TSPAN8: variants seen among roughly 807,000 people sequenced by gnomAD.
TSPAN8 encodes the protein tetraspanin 8, also known as tetraspanin-8.
TSPAN8 carries 21 observed loss-of-function variants against 32.8 expected under a neutral mutation model. That is an observed-to-expected ratio of 0.64 (90% CI 0.45 to 0.92). TSPAN8 has a LOEUF of 0.92. Ranked by LOEUF, TSPAN8 falls within the 40% of genes least tolerant of loss-of-function variation. TSPAN8 has a pLI of 0.00. For missense variants in TSPAN8, 269 were observed against 281.9 expected, an observed-to-expected ratio of 0.95 and a Z score of 0.33; for synonymous variants, 95 against 94.6, an observed-to-expected ratio of 1.00 and a Z score of -0.03.
intron 7 of TSPAN8, among the ~76,000 whole-genome samples, chr12:71,132,120 A>G (rs550458337): frequency 2.3e-4 from 35 of 152,320 alleles, no homozygotes; most frequent in African/African-American, 7.5e-4. Flanking sequence ...AGATTAACCT[A>G]TCTTTTTCAA....
intron 4 of TSPAN8, 111 bp from the exon 5 acceptor site, chr12:71,138,341 G>T: frequency 9.6e-7 from 1 of 1,039,668 alleles, no homozygotes; most frequent in Non-Finnish European, 1.4e-6. Flanking sequence ...CAGTGAGAGT[G>T]TCAGTCACAC....
intron 8 of TSPAN8, 132 bp from the exon 9 acceptor site, chr12:71,125,519 C>G (rs1871324457): frequency 1.4e-6 from 1 of 705,848 alleles, no homozygotes; most frequent in South Asian, 2.3e-5. Flanking sequence ...TAACTCATCT[C>G]TCTTGGGAAA....
intron 7 of TSPAN8, among the ~76,000 whole-genome samples, chr12:71,131,943 C>T (rs3851613): frequency 0.39 from 59,019 of 151,444 alleles, 12,554 homozygotes; most frequent in East Asian, 0.57. Context: ...GCTCCATGAG[C>T]GCAGACATTG....
At chr12:71,152,554 G>T (rs945263414) in intron 2 of TSPAN8, among the ~76,000 whole-genome samples, 5 of 152,086 alleles carry the variant, frequency 3.3e-5, no homozygotes, top group Non-Finnish European at 5.9e-5. Context: ...TTTTACAGAT[G>T]AGGACAAATA....
At chr12:71,125,884 ACT>A (rs1871335859) in intron 8 of TSPAN8, among the ~76,000 whole-genome samples, 1 of 134,808 alleles carries the variant, frequency 7.4e-6, no homozygotes, top group Admixed American at 7.2e-5. Flanking sequence ...AAATGAAGTA[ACT>A]CTTTTTTTAA....
intron 8 of TSPAN8, among the ~76,000 whole-genome samples, chr12:71,127,894 T>C (rs1871394675): frequency 6.6e-6 from 1 of 152,222 alleles, no homozygotes; most frequent in South Asian, 2.1e-4. Context: ...ATAACTCTTA[T>C]ATTAAATATC....
Position 71,139,817 on chromosome 12 carries a change from G to A in TSPAN8, c.155C>T (p.Ser52Phe), listed in dbSNP as rs1871841581. ...IFGSEDVGSS[S>F]YVAVDILIAV... ...AATCAATATGTCCACAGCAACGTAG[G>A]AGCTAGAGCCTACATCTTCAGAACC... The change falls in exon 4 of 9, where the codon TCC becomes TTC. Residue 52 changes from serine to phenylalanine, a missense_variant. Coordinates refer to ENST00000247829, the MANE Select transcript of TSPAN8 (RefSeq NM_004616.3). The A allele has an allele frequency of 6.2e-7, 1 of 1,613,028 alleles. No homozygotes were observed. Among genetic ancestry groups the A allele is most frequent in the Non-Finnish European group, 8.5e-7 (1 of 1,179,412 alleles).
At chr12:71,148,005 A>C (rs911747225) in intron 2 of TSPAN8, among the ~76,000 whole-genome samples, 1 of 152,184 alleles carries the variant, frequency 6.6e-6, no homozygotes, top group Admixed American at 6.5e-5. Context: ...AATGCTATTT[A>C]GTGTAATCAG....
At chr12:71,135,681 C>T (rs1325141414) in intron 6 of TSPAN8, among the ~76,000 whole-genome samples, 1 of 152,136 alleles carries the variant, frequency 6.6e-6, no homozygotes, top group African/African-American at 2.4e-5. Context: ...CTACAACAAA[C>T]AGCACATTTA....
At chr12:71,127,592 G>A (rs1241311711) in intron 8 of TSPAN8, among the ~76,000 whole-genome samples, 1 of 152,020 alleles carries the variant, frequency 6.6e-6, no homozygotes, top group East Asian at 1.9e-4. Context: ...TTTGTATTAA[G>A]CTATTTTTCT....
chr12:71,129,761 T>C (rs11178644), intron 7 of TSPAN8, among the ~76,000 whole-genome samples: 48,330 of 151,944 alleles, frequency 0.32, 8,530 homozygotes, highest in Non-Finnish European at 0.41. Flanking sequence ...GATAAAGCTA[T>C]ATATTTTACA....
At chr12:71,128,310 T>G (rs1249701192) in intron 8 of TSPAN8, among the ~76,000 whole-genome samples, 1 of 152,188 alleles carries the variant, frequency 6.6e-6, no homozygotes, top group Non-Finnish European at 1.5e-5. Flanking sequence ...GGACACTAAA[T>G]TGCTTCATTC....
chr12:71,157,667 C>T lies in TSPAN8; in HGVS notation c.12G>A (p.Val4=), dbSNP rs749062890. 2 of 1,613,588 alleles carry T rather than the reference C, an allele frequency of 1.2e-6. No homozygotes were observed. The highest frequency in any genetic ancestry group is 2.2e-5 in the South Asian group (2 of 91,062). The change falls in exon 2 of 9, where the codon GTG becomes GTA. Residue 4 remains valine (V), a synonymous_variant. Coordinates refer to ENST00000247829, the MANE Select transcript of TSPAN8 (RefSeq NM_004616.3). The part of the protein sequence containing the change: MAG[V]SACIKYSMFT... ...ACATAGAATATTTTATACAGGCACTCACACCTGCCATTTCGGAAAAGGATT... is the reference window on the plus strand; with the variant it reads ...ACATAGAATATTTTATACAGGCACTTACACCTGCCATTTCGGAAAAGGATT...
chr12:71,132,507 C>A (rs2270589), intron 7 of TSPAN8, among the ~76,000 whole-genome samples, 186 bp downstream of exon 7: 59,400 of 151,964 alleles, frequency 0.39, 12,658 homozygotes, highest in East Asian at 0.57. Context: ...ATGCCAGACT[C>A]ATAGAAGAAA....
intron 7 of TSPAN8, among the ~76,000 whole-genome samples, chr12:71,130,722 C>A (rs938436540): frequency 6.6e-6 from 1 of 152,100 alleles, no homozygotes; most frequent in African/African-American, 2.4e-5. Context: ...ATTATTATGT[C>A]ATTTAGGTTA....
intron 8 of TSPAN8, among the ~76,000 whole-genome samples, chr12:71,126,643 G>C (rs1014165603): frequency 1.3e-5 from 2 of 152,088 alleles, no homozygotes; most frequent in Admixed American, 6.6e-5. Context: ...TTTGCTAAGA[G>C]GTATGCAGCA....
At chr12:71,153,668 A>G (rs1872327394) in intron 2 of TSPAN8, among the ~76,000 whole-genome samples, 1 of 152,242 alleles carries the variant, frequency 6.6e-6, no homozygotes, top group African/African-American at 2.4e-5. Flanking sequence ...CTAATTTCCT[A>G]TGAAGGATTG....
In TSPAN8 at chr12:71,137,975, G is replaced by C. The variant is rs749706273; in HGVS notation, c.422C>G (p.Ala141Gly). Residue 141 changes from alanine (A) to glycine (G), a missense_variant, in exon 6 of 9, where the codon GCC (alanine) becomes GGC (glycine). Physicochemically the swap from Ala to Gly is moderately conservative, Grantham distance 60 (BLOSUM62 0). Transcript: ENST00000247829. ...TGESEKQFQE[A>G]IIVFQEEFKC... ...TACCTCTTCTTGAAACACAATTATG[G>C]CTTCCTGGAATTGTTTTTCACTTTC... 6.2e-7 allele frequency: 1 copy of C among 1,613,402 alleles called. No homozygotes were observed. Among genetic ancestry groups the C allele is most frequent in the African/African-American group, 1.3e-5 (1 of 74,888 alleles).
In TSPAN8 at chr12:71,129,493, G is replaced by C. The variant is rs1871452220; in HGVS notation, c.577-79C>G. 6.6e-6 allele frequency: 9 copies of C among 1,360,196 alleles called. No homozygotes were observed. In the Admixed American group the frequency reaches 2.9e-4, roughly 44 times the overall value. 84.3% of individuals were successfully genotyped at this position (1,360,196 alleles called of 1,614,324 possible). A position where few individuals can be genotyped will look rare whatever the true frequency, so the allele number is the denominator to read the frequency against. The stretch of plus-strand genomic sequence containing the variant: ...ATTAATCAAAATTTTTATTAATCTG[G>C]TTGACTTTTTACATTGCTATCAAGA... On this transcript the variant is annotated intron_variant, in intron 7 of 8. Coordinates refer to ENST00000247829, the MANE Select transcript of TSPAN8 (RefSeq NM_004616.3).
Sources: allele counts gnomAD v4.1 joint callset (sites outside exome capture counted in the v4.1 genomes callset), GRCh38; gene constraint gnomAD v4.1.1; transcripts MANE v1.5; gene names NCBI Gene and HGNC (gene_info 2026-07-23, HGNC 2026-07-21).